Variants in WDR59 observed in about 807,000 individuals in gnomAD.
WDR59 encodes the protein WD repeat domain 59.
A neutral mutation model predicts 131.2 loss-of-function variants in WDR59; 100 were observed. That is an observed-to-expected ratio of 0.76 (90% confidence interval 0.65 to 0.90). The LOEUF is 0.90. WDR59 is among the 40% of genes least tolerant of loss of function. WDR59 has a pLI of 0.00. For missense variants in WDR59, 1,203 were observed against 1,262.2 expected (o/e 0.95, Z 0.71); for synonymous variants, 601 against 466.2 (o/e 1.29, Z -3.72).
At position 74,976,805 on chromosome 16, in the gene WDR59, C is replaced by A. The variant is rs1025847003; in HGVS notation, c.54+8159G>T. 3.3e-5 allele frequency among the ~76,000 whole-genome samples: 5 copies of A among 152,082 alleles called. No individual in the cohort carries two copies. The South Asian group carries it at 8.3e-4, about 25-fold the overall frequency. On this transcript the variant is annotated intron_variant, in intron 1 of 25. Coordinates refer to ENST00000262144, the MANE Select transcript of WDR59 (RefSeq NM_030581.4). The stretch of plus-strand genomic sequence containing the variant: ...GGCCATGGTAGGTGGATCATTTGAG[C>A]CCAGGAGTTCGAGACCAGCCTGGCC...
chr16:74,974,131 C>G (rs568959461), intron 1 of WDR59, among the ~76,000 whole-genome samples: 1 of 152,292 alleles, frequency 6.6e-6, no homozygotes, highest in Admixed American at 6.6e-5. Context: ...GATTATGCCA[C>G]TGCACTCCAA....
chr16:74,969,001 AG>A (rs1052645933), intron 1 of WDR59, among the ~76,000 whole-genome samples: 11 of 152,168 alleles, frequency 7.2e-5, no homozygotes, highest in African/African-American at 2.4e-4. Flanking sequence ...TGTGGGGGAA[AG>A]GAGTCTGCAA....
chr16:74,935,861 G>C (rs1026576805), intron 8 of WDR59, among the ~76,000 whole-genome samples: 1 of 152,028 alleles, frequency 6.6e-6, no homozygotes, highest in Non-Finnish European at 1.5e-5. Flanking sequence ...GCTGGACATG[G>C]TGGCATGCAC....
chr16:74,933,874 C>T (rs770944300), intron 8 of WDR59, among the ~76,000 whole-genome samples: 8 of 152,222 alleles, frequency 5.3e-5, no homozygotes, highest in Admixed American at 3.3e-4. Flanking sequence ...CGTGAGCCAC[C>T]GCACCAGCCA....
chr16:74,923,235 C>T (rs949854173), intron 9 of WDR59, among the ~76,000 whole-genome samples: 1 of 152,146 alleles, frequency 6.6e-6, no homozygotes, highest in African/African-American at 2.4e-5. Context: ...AAATGGCTTG[C>T]CCAAGGCCAT....
chr16:74,967,383 A>G (rs573392828), intron 1 of WDR59, among the ~76,000 whole-genome samples: 1 of 152,254 alleles, frequency 6.6e-6, no homozygotes, highest in South Asian at 2.1e-4. Flanking sequence ...GGTTCCTCTA[A>G]CAAGATCTGT....
chr16:74,921,493 TTTC>T (rs1023279391), intron 10 of WDR59, among the ~76,000 whole-genome samples: 1 of 152,054 alleles, frequency 6.6e-6, no homozygotes, highest in Admixed American at 6.5e-5. Context: ...CATCATCTGT[TTTC>T]TTTTTTTTTT....
intron 1 of WDR59, among the ~76,000 whole-genome samples, chr16:74,973,449 G>T (rs909218615): frequency 2.0e-5 from 3 of 152,124 alleles, no homozygotes; most frequent in African/African-American, 7.2e-5. Context: ...ACCATGCTCA[G>T]CTAAGTTTTT....
At chr16:74,982,790 G>A (rs576032954) in intron 1 of WDR59, among the ~76,000 whole-genome samples, 1 of 152,140 alleles carries the variant, frequency 6.6e-6, no homozygotes, top group African/African-American at 2.4e-5. Flanking sequence ...ATTCTCAGTA[G>A]AGGCTACTGA....
chr16:74,892,642 A>G (rs1201567440), intron 19 of WDR59, 77 bp from the exon 20 acceptor site: 17 of 1,206,130 alleles, frequency 1.4e-5, no homozygotes, highest in Non-Finnish European at 6.0e-6. Context: ...TTTAACAGAC[A>G]GATGAGAACC....
intron 14 of WDR59, among the ~76,000 whole-genome samples, chr16:74,910,129 G>A: frequency 6.6e-6 from 1 of 151,900 alleles, no homozygotes; most frequent in East Asian, 1.9e-4. Flanking sequence ...CCCCATGCCT[G>A]GCTAATTTTT....
intron 7 of WDR59, among the ~76,000 whole-genome samples, chr16:74,940,775 G>A (rs1189765551): frequency 6.6e-6 from 1 of 151,954 alleles, no homozygotes; most frequent in Non-Finnish European, 1.5e-5. Flanking sequence ...GCGCGATCTC[G>A]GCTCACTGCA....
intron 4 of WDR59, chr16:74,950,080 G>A (rs1597783407): frequency 4.6e-6 from 2 of 435,626 alleles, no homozygotes; most frequent in Non-Finnish European, 9.1e-6. Context: ...AGCGGCTCAC[G>A]ACTGTAATCC....
At chr16:74,924,502 G>A (rs73605962) in intron 8 of WDR59, among the ~76,000 whole-genome samples, 1 of 152,078 alleles carries the variant, frequency 6.6e-6, no homozygotes, top group African/African-American at 2.4e-5. Flanking sequence ...AGGTCACAAA[G>A]AAAAAAGGCA....
chr16:74,949,957 G>A (rs951648344), intron 4 of WDR59, 159 bp from the exon 5 acceptor site: 2 of 719,314 alleles, frequency 2.8e-6, no homozygotes, highest in East Asian at 2.9e-5. Context: ...CCTTGGGAAC[G>A]AACATGAGTT....
chr16:74,960,297 C>T (rs1010605719), intron 2 of WDR59, among the ~76,000 whole-genome samples: 1 of 151,766 alleles, frequency 6.6e-6, no homozygotes, highest in Non-Finnish European at 1.5e-5. Context: ...CGCCACTGCA[C>T]TCCAGCTTGG....
At chr16:74,893,996 C>T (rs911252809) in intron 18 of WDR59, 184 bp from the exon 19 acceptor site, 1 of 649,776 alleles carries the variant, frequency 1.5e-6, no homozygotes, top group Admixed American at 3.2e-5. Flanking sequence ...AAAATCCTAA[C>T]AGGAAAATAA....
chr16:74,885,253 G>C (rs1241292373), intron 25 of WDR59, among the ~76,000 whole-genome samples: 1 of 152,008 alleles, frequency 6.6e-6, no homozygotes, highest in Non-Finnish European at 1.5e-5. Flanking sequence ...AGGAGTTCGA[G>C]ACCAGCCTGG....
intron 3 of WDR59, among the ~76,000 whole-genome samples, chr16:74,954,974 G>A (rs2033207504): frequency 6.6e-6 from 1 of 152,158 alleles, no homozygotes; most frequent in African/African-American, 2.4e-5. Flanking sequence ...GGAGGAATGG[G>A]GAGAAACTGC....
Sources: allele counts gnomAD v4.1 joint callset (sites outside exome capture counted in the v4.1 genomes callset), GRCh38; gene constraint gnomAD v4.1.1; transcripts MANE v1.5; gene names NCBI Gene and HGNC (gene_info 2026-07-23, HGNC 2026-07-21).